Variants in DHRS12 observed in about 807,000 individuals in gnomAD.
DHRS12 encodes the protein dehydrogenase/reductase 12.
In DHRS12, 29 loss-of-function variants were observed where a neutral mutation model predicts 32.1. The ratio of observed to expected loss-of-function variants is 0.90; its 90% CI spans 0.67 to 1.23. DHRS12 has a LOEUF of 1.23. Ranked by LOEUF, DHRS12 falls within the 50% of genes most tolerant of loss-of-function variation. The probability of loss-of-function intolerance (pLI) is 0.00; values close to 1 mark genes in which losing one functional copy is unlikely to be tolerated. For synonymous variants in DHRS12, 150 were observed against 135.9 expected (o/e 1.10, Z -0.72); for missense variants, 330 against 337.2 (o/e 0.98, Z 0.17).
chr13:51,776,968 C>T, intron 5 of DHRS12, 92 bp downstream of exon 5: 2 of 1,456,796 alleles, frequency 1.4e-6, no homozygotes, highest in Non-Finnish European at 1.9e-6. Context: ...GAATGGCCCC[C>T]TTAGGGCAGT....
the DHRS12 span, among the ~76,000 whole-genome samples, chr13:51,758,552 T>TAAAAAAAAAAAAAA: frequency 7.8e-6 from 1 of 127,722 alleles, no homozygotes; most frequent in African/African-American, 2.9e-5. Flanking sequence ...CCTCATCTCT[T>TAAAAAAAAAAAAAA]AAAAAAAAAA....
intron 4 of DHRS12, among the ~76,000 whole-genome samples, chr13:51,787,888 A>G (rs1955056615): frequency 7.5e-6 from 1 of 133,086 alleles, no homozygotes. Context: ...TATATATAAT[A>G]TATAAATATA....
In DHRS12 at chr13:51,789,991, A is replaced by T. The variant is rs770391393; in HGVS notation, c.301+20T>A. On this transcript the variant is annotated intron_variant, in intron 4 of 8. Coordinates refer to ENST00000444610, the MANE Select transcript of DHRS12 (RefSeq NM_001377533.1). ...ATGTTTATTTTGCTAAAAACAAATA[A>T]GAAAACTTCTTGTACTTACCCAGAG... The T allele has an allele frequency of 3.9e-5, 61 of 1,571,544 alleles. No homozygotes were observed. The East Asian group carries it at 6.9e-4, about 18-fold the overall frequency.
intron 5 of DHRS12, chr13:51,776,121 T>C (rs1294129633): frequency 1.7e-5 from 2 of 117,518 alleles, no homozygotes; most frequent in African/African-American, 6.8e-5. Context: ...CCTACATGTA[T>C]TCTACAGTAT....
At chr13:51,788,972 A>G (rs539673882) in intron 4 of DHRS12, among the ~76,000 whole-genome samples, 1 of 152,218 alleles carries the variant, frequency 6.6e-6, no homozygotes, top group Non-Finnish European at 1.5e-5. Flanking sequence ...GTCCCCGGTG[A>G]CCAGGTAGGT....
chr13:51,801,674 G>A (rs114239864), intron 1 of DHRS12, among the ~76,000 whole-genome samples: 2,330 of 152,234 alleles, frequency 0.015, 63 homozygotes, highest in African/African-American at 0.053. Context: ...AGGCTTTTCC[G>A]GTAGAGGCAA....
At chr13:51,786,743 TCCA>T (rs1954975570) in intron 4 of DHRS12, among the ~76,000 whole-genome samples, 1 of 152,216 alleles carries the variant, frequency 6.6e-6, no homozygotes, top group Non-Finnish European at 1.5e-5. Context: ...ACCCTTAGGA[TCCA>T]GTGATAAATC....
In DHRS12 at chr13:51,773,926, T is replaced by C; in HGVS notation, c.468+4A>G. ...TGCAGTCTCAGGAAACCCACCTCAC[T>C]GACCTTGTTTTGTGCATAGACCATA... is the stretch of plus-strand genomic sequence containing the variant. On this transcript the variant is annotated splice_donor_region_variant and intron_variant, in intron 6 of 8. Coordinates refer to ENST00000444610, the MANE Select transcript of DHRS12 (RefSeq NM_001377533.1). 6.2e-7 allele frequency: 1 copy of C among 1,613,722 alleles called. No individual in the cohort carries two copies. The highest frequency in any genetic ancestry group is 8.5e-7 in the Non-Finnish European group (1 of 1,179,624).
At chr13:51,771,391 G>A (rs763054031) in intron 7 of DHRS12, 1 of 1,614,134 alleles carries the variant, frequency 6.2e-7, no homozygotes, top group Non-Finnish European at 8.5e-7. Flanking sequence ...CTGTGTCCTT[G>A]TGGCTGGCAT....
At chr13:51,798,020 G>A in intron 2 of DHRS12, 1 of 1,082,714 alleles carries the variant, frequency 9.2e-7, no homozygotes, top group Non-Finnish European at 1.3e-6. Context: ...CTTCTGTTAA[G>A]CCTAGATGGG....
intron 2 of DHRS12, among the ~76,000 whole-genome samples, chr13:51,792,756 A>G (rs996987545): frequency 3.3e-5 from 5 of 152,108 alleles, no homozygotes; most frequent in Admixed American, 3.3e-4. Context: ...TCTTTAGACC[A>G]TTTTCAAATC....
In DHRS12 at chr13:51,773,022, A is replaced by G. The variant is rs1954106124; in HGVS notation, c.468+908T>C. Reference sequence around the variant, plus strand: ...GGAGGGTGCTGGCAGCCTTACAGACAATGTGGGCGCCCTAGCGGGTGAATT... The same window carrying G: ...GGAGGGTGCTGGCAGCCTTACAGACGATGTGGGCGCCCTAGCGGGTGAATT... On this transcript the variant is annotated intron_variant, in intron 6 of 8. Coordinates refer to ENST00000444610, the MANE Select transcript of DHRS12 (RefSeq NM_001377533.1). 6 of 985,372 alleles carry G rather than the reference A, an allele frequency of 6.1e-6. No individual in the cohort carries two copies. In the Admixed American group the frequency reaches 3.1e-4, roughly 50 times the overall value. The allele number at this position is 985,372 out of a possible 1,614,324, so 61.0% of individuals were successfully genotyped here.
At position 51,768,294 on chromosome 13, in the gene DHRS12, G is replaced by C; in HGVS notation, c.700C>G (p.Arg234Gly). Reference sequence around the variant, plus strand: ...GGCAAGTGTGTAGAAACTGGCTTCCGATCTAAAAGTGAGAGGGAACCGCAG... The same window carrying C: ...GGCAAGTGTGTAGAAACTGGCTTCCCATCTAAAAGTGAGAGGGAACCGCAG... ...AQPSGRFFQD[R>G]KPVSTHLPLA... The change falls in exon 9 of 9, where the codon CGG (arginine) becomes GGG (glycine). Residue 234 changes from arginine (R) to glycine (G), a missense_variant and splice_region_variant. By Grantham distance (125) the Arg-to-Gly change is moderately radical. Coordinates refer to ENST00000444610, the MANE Select transcript of DHRS12 (RefSeq NM_001377533.1). 12 of 1,535,866 alleles carry C rather than the reference G, an allele frequency of 7.8e-6. No homozygotes were observed. Among genetic ancestry groups the C allele is most frequent in the Non-Finnish European group, 1.0e-5 (12 of 1,146,908 alleles).
the DHRS12 span, chr13:51,756,318 T>G: frequency 6.2e-7 from 1 of 1,609,870 alleles, no homozygotes; most frequent in East Asian, 2.2e-5. Context: ...ATCTATTTTA[T>G]CTCCCTCCTC....
chr13:51,756,529 G>T, the DHRS12 span: 1 of 1,532,082 alleles, frequency 6.5e-7, no homozygotes. Context: ...CTTGCACTCA[G>T]CGCCGCAACC....
At chr13:51,794,753 C>T (rs2139351538) in intron 2 of DHRS12, among the ~76,000 whole-genome samples, 1 of 151,782 alleles carries the variant, frequency 6.6e-6, no homozygotes, top group Admixed American at 6.6e-5. Flanking sequence ...TCTCAAAAAT[C>T]CCGAGAGCCT....
intron 4 of DHRS12, 148 bp downstream of exon 4, chr13:51,789,863 A>T: frequency 1.5e-6 from 2 of 1,309,116 alleles, no homozygotes; most frequent in Non-Finnish European, 1.9e-6. Context: ...TATGAAGAAA[A>T]ATAAGTACAA....
At position 51,769,795 on chromosome 13, in the gene DHRS12, G is replaced by C. The variant is rs191115658; in HGVS notation, c.560-502C>G. Among the ~76,000 whole-genome samples, 5 of 152,304 alleles carry C rather than the reference G, an allele frequency of 3.3e-5. No individual in the cohort carries two copies. In the East Asian group the frequency reaches 9.7e-4, roughly 29 times the overall value. The stretch of plus-strand genomic sequence containing the variant: ...GAGGAAAGAATTCTTCACTTCCTCT[G>C]CCAAGCCCCTCGAGGTGTCCCACCC... On this transcript the variant is annotated intron_variant, in intron 7 of 8. Coordinates refer to ENST00000444610, the MANE Select transcript of DHRS12 (RefSeq NM_001377533.1).
chr13:51,799,434 A>T, intron 2 of DHRS12, 100 bp downstream of exon 2: 3 of 1,530,414 alleles, frequency 2.0e-6, no homozygotes, highest in Non-Finnish European at 2.6e-6. Flanking sequence ...GCCGTCCAGG[A>T]CTTCCTGGCC....
Sources: allele counts gnomAD v4.1 joint callset (sites outside exome capture counted in the v4.1 genomes callset), GRCh38; gene constraint gnomAD v4.1.1; transcripts MANE v1.5; gene names NCBI Gene and HGNC (gene_info 2026-07-23, HGNC 2026-07-21).